Variants in RBFOX1 observed in about 807,000 individuals in gnomAD.
The protein encoded by RBFOX1 is RNA binding fox-1 homolog 1, also known as RNA binding protein fox-1 homolog 1.
RBFOX1 carries 8 observed loss-of-function variants against 57.7 expected under a neutral mutation model. The ratio of observed to expected loss-of-function variants is 0.14; its 90% CI spans 0.08 to 0.25. RBFOX1 has a LOEUF of 0.25. RBFOX1 is among the 10% of genes least tolerant of loss of function. RBFOX1 has a pLI of 1.00. For missense variants in RBFOX1, 611 were observed against 548.5 expected (o/e 1.11, Z -1.14); for synonymous variants, 326 against 222.4 (o/e 1.47, Z -4.15).
chr16:6,765,153 G>T (rs1285720054), intron 3 of RBFOX1, among the ~76,000 whole-genome samples: 2 of 152,064 alleles, frequency 1.3e-5, no homozygotes, highest in African/African-American at 4.8e-5. Flanking sequence ...TCTGTGAACA[G>T]TTTACCTTGC....
intron 2 of RBFOX1, among the ~76,000 whole-genome samples, chr16:6,412,250 G>T (rs1199692531): frequency 1.3e-5 from 2 of 152,182 alleles, no homozygotes; most frequent in Non-Finnish European, 2.9e-5. Flanking sequence ...CCAGAGAAAA[G>T]GTATGTCCCC....
chr16:5,570,994 C>T (rs1009920547), intron 2 of RBFOX1, among the ~76,000 whole-genome samples: 1 of 152,032 alleles, frequency 6.6e-6, no homozygotes, highest in African/African-American at 2.4e-5. Context: ...TTATTTTCTT[C>T]TCAAAATAAT....
At chr16:6,588,124 G>A (rs1045694092) in intron 2 of RBFOX1, among the ~76,000 whole-genome samples, 14 of 151,838 alleles carry the variant, frequency 9.2e-5, no homozygotes, top group African/African-American at 1.9e-4. Flanking sequence ...CCAGCTACTC[G>A]GGAGGCTGAG....
intron 2 of RBFOX1, among the ~76,000 whole-genome samples, chr16:6,562,843 T>C (rs1055793130): frequency 2.3e-5 from 1 of 43,094 alleles, no homozygotes; most frequent in Non-Finnish European, 4.0e-5. Flanking sequence ...TTTCTTTCTT[T>C]CTTTCTTTCT....
chr16:6,227,574 A>G (rs953464736), intron 1 of RBFOX1, among the ~76,000 whole-genome samples: 1 of 151,762 alleles, frequency 6.6e-6, no homozygotes, highest in African/African-American at 2.4e-5. Context: ...TTCCAGCCAC[A>G]CGCCCTTCTC....
chr16:6,966,674 A>G (rs80224135), intron 3 of RBFOX1, among the ~76,000 whole-genome samples: 2,193 of 152,298 alleles, frequency 0.014, 54 homozygotes, highest in African/African-American at 0.05. Context: ...AGATAGTGCA[A>G]GCTGGGCTGA....
At chr16:6,072,117 G>T (rs546157331) in intron 1 of RBFOX1, among the ~76,000 whole-genome samples, 3 of 152,304 alleles carry the variant, frequency 2.0e-5, no homozygotes, top group Non-Finnish European at 2.9e-5. Flanking sequence ...AGGAGCACAG[G>T]CACATCTTAC....
chr16:6,233,939 T>C (rs910773459), intron 1 of RBFOX1, among the ~76,000 whole-genome samples: 1 of 152,162 alleles, frequency 6.6e-6, no homozygotes, highest in African/African-American at 2.4e-5. Flanking sequence ...AGAAATGTAT[T>C]TTATCACAGT....
intron 3 of RBFOX1, among the ~76,000 whole-genome samples, chr16:7,013,423 G>A (rs1378161546): frequency 6.6e-6 from 1 of 152,178 alleles, no homozygotes; most frequent in Non-Finnish European, 1.5e-5. Flanking sequence ...CTGGAGACAT[G>A]TTTGGTTGCT....
rs1234168030 is a variant in RBFOX1 at position 5,488,196 on chromosome 16, T to C, written c.258+20942T>C. On this transcript the variant is annotated intron_variant, in intron 2 of 2. Coordinates refer to the RBFOX1 transcript ENST00000585867. ...AGACGGTGGTGATGGCAGATGATGG[T>C]GATGATGATGGTGGAAGATGATGGT... Among the ~76,000 whole-genome samples, 28 of 65,508 alleles carry C rather than the reference T, an allele frequency of 4.3e-4. 2 individuals carry two copies. The highest frequency in any genetic ancestry group is 1.1e-3 in the African/African-American group (28 of 25,114). 43.0% of individuals were successfully genotyped at this position (65,508 alleles called of 152,430 possible).
chr16:5,573,396 T>C (rs2046349730), intron 2 of RBFOX1, among the ~76,000 whole-genome samples: 1 of 152,198 alleles, frequency 6.6e-6, no homozygotes, highest in African/African-American at 2.4e-5. Flanking sequence ...TGATCACTTT[T>C]GGGTGCTTCT....
chr16:6,764,227 C>T (rs1055975854), intron 3 of RBFOX1, among the ~76,000 whole-genome samples: 2 of 152,194 alleles, frequency 1.3e-5, no homozygotes, highest in Admixed American at 6.5e-5. Flanking sequence ...TTTATGACAG[C>T]AGCTGGCATG....
chr16:6,862,795 G>A (rs1427166826), intron 3 of RBFOX1, among the ~76,000 whole-genome samples: 1 of 152,064 alleles, frequency 6.6e-6, no homozygotes, highest in Non-Finnish European at 1.5e-5. Flanking sequence ...GATCAGCCTG[G>A]CCAAAATGGT....
chr16:7,702,970 C>A (rs1193143444), intron 14 of RBFOX1, among the ~76,000 whole-genome samples: 1 of 152,194 alleles, frequency 6.6e-6, no homozygotes, highest in African/African-American at 2.4e-5. Context: ...CCCCTTCTTA[C>A]CTGGTGCCCC....
chr16:6,851,246 A>C (rs992781794), intron 3 of RBFOX1, among the ~76,000 whole-genome samples: 1 of 152,170 alleles, frequency 6.6e-6, no homozygotes, highest in Non-Finnish European at 1.5e-5. Flanking sequence ...AGATATAGAG[A>C]ATCAATGCGT....
Position 7,048,551 on chromosome 16 carries a change from G to T in RBFOX1, c.-15-3506G>T, listed in dbSNP as rs542212099. ...TGGGATTACAGGCGTGAGCCACCGC[G>T]CCCAGCTCCTTTTGGTTCTTTATTA... On this transcript the variant is annotated intron_variant, in intron 3 of 15. Transcript: ENST00000550418. Among the ~76,000 whole-genome samples, 22 of 152,274 alleles carry T rather than the reference G, an allele frequency of 1.4e-4. No individual in the cohort carries two copies. In the South Asian group the frequency reaches 3.9e-3, roughly 27 times the overall value.
At chr16:6,933,241 C>T (rs563719479) in intron 3 of RBFOX1, among the ~76,000 whole-genome samples, 89 of 152,282 alleles carry the variant, frequency 5.8e-4, no homozygotes, top group Admixed American at 1.2e-3. Flanking sequence ...TTTCAGTTGT[C>T]TTGGGTGTAT....
chr16:6,378,398 A>G (rs76062535), intron 2 of RBFOX1, among the ~76,000 whole-genome samples: 2,348 of 152,266 alleles, frequency 0.015, 65 homozygotes, highest in African/African-American at 0.052. Flanking sequence ...ATCTTTCTGC[A>G]CTAGCCTGTC....
At chr16:5,934,423 C>G (rs1203433970) in intron 4 of RBFOX1, among the ~76,000 whole-genome samples, 1 of 152,138 alleles carries the variant, frequency 6.6e-6, no homozygotes, top group East Asian at 1.9e-4. Flanking sequence ...AAATCTATTA[C>G]TTTCTTTTAA....
Sources: gnomAD v4.1 joint callset for allele counts (sites outside exome capture counted in the v4.1 genomes callset) on GRCh38, gnomAD v4.1.1 for gene constraint, MANE v1.5 for transcripts, NCBI Gene and HGNC (gene_info 2026-07-23, HGNC 2026-07-21) for gene names.